The following PCLO variants were observed in gnomAD, a reference collection of about 807,000 sequenced individuals.
PCLO encodes the protein protein piccolo.
PCLO carries 82 observed loss-of-function variants against 427.5 expected under a neutral mutation model. The observed-to-expected ratio is 0.19, with a 90% confidence interval of 0.16 to 0.23. The LOEUF is 0.23. Ranked by LOEUF, PCLO falls within the 10% of genes least tolerant of loss-of-function variation. The pLI is 1.00. For missense variants in PCLO, 6,239 were observed against 6,115.9 expected (o/e 1.02, Z -0.67); for synonymous variants, 2,357 against 2,155.4 (o/e 1.09, Z -2.59).
At chr7:82,911,392 CA>C (rs891351186) in intron 7 of PCLO, among the ~76,000 whole-genome samples, 18 of 150,960 alleles carry the variant, frequency 1.2e-4, no homozygotes, top group Admixed American at 2.6e-4. Context: ...AATTTTATAA[CA>C]AAAAAAATTC....
intron 3 of PCLO, among the ~76,000 whole-genome samples, chr7:83,035,413 A>G (rs1477073825): frequency 6.6e-6 from 1 of 152,206 alleles, no homozygotes; most frequent in Non-Finnish European, 1.5e-5. Flanking sequence ...CATATCTGAC[A>G]GTTATGAAAA....
intron 3 of PCLO, among the ~76,000 whole-genome samples, chr7:83,060,942 T>C (rs1383170741): frequency 2.0e-5 from 3 of 152,236 alleles, no homozygotes; most frequent in Non-Finnish European, 4.4e-5. Flanking sequence ...TACCAGAATA[T>C]GTCTAAACAT....
At chr7:82,819,892 TA>T (rs1286412684) in intron 20 of PCLO, among the ~76,000 whole-genome samples, 1 of 152,120 alleles carries the variant, frequency 6.6e-6, no homozygotes, top group African/African-American at 2.4e-5. Flanking sequence ...GGCTGAGAGG[TA>T]CTTAAGGGGG....
In PCLO at chr7:82,760,691, G is replaced by A. The variant is rs750960950; in HGVS notation, c.15236C>T (p.Ser5079Leu). ...TRVCRHDREP[S>L]FNETFRFSLS... ...ACTGAATCGAAAAGTTTCATTAAAC[G>A]AAGGCTCTCGATCATGTCTGCATAC... The change falls in exon 24 of 25, where the codon TCG (serine) becomes TTG (leucine). Residue 5079 changes from serine to leucine, a missense_variant. Ser to Leu is a moderately radical substitution (Grantham distance 145, BLOSUM62 -2). Coordinates refer to ENST00000333891, the MANE Select transcript of PCLO (RefSeq NM_033026.6). The A allele has an allele frequency of 2.2e-5, 36 of 1,603,822 alleles. No homozygotes were observed. The South Asian group carries it at 3.2e-4, about 14-fold the overall frequency.
chr7:82,826,994 A>G (rs769656949), intron 17 of PCLO, among the ~76,000 whole-genome samples: 11 of 152,190 alleles, frequency 7.2e-5, no homozygotes, highest in Non-Finnish European at 1.5e-4. Flanking sequence ...ATAGATTGCA[A>G]AAATGTCTAG....
intron 3 of PCLO, among the ~76,000 whole-genome samples, chr7:83,083,349 A>T (rs566174975): frequency 6.6e-6 from 1 of 152,140 alleles, no homozygotes; most frequent in African/African-American, 2.4e-5. Flanking sequence ...TATGATCTCA[A>T]CTTTATTAAA....
chr7:83,087,777 T>C (rs980655131), intron 3 of PCLO, among the ~76,000 whole-genome samples: 1 of 152,100 alleles, frequency 6.6e-6, no homozygotes, highest in African/African-American at 2.4e-5. Context: ...AAAGATTGAT[T>C]CTATTAAATT....
In PCLO at chr7:82,915,253, G is replaced by A. The variant is rs367972678; in HGVS notation, c.12733C>T (p.Leu4245Phe). ...TGTTGGTCTGTAATATTTTTTCTGA[G>A]GCCAAAAGTGATGTCATCTTGAAGG... ...RLLQDDITFG[L>F]RKNITDQQKF... is the part of the protein sequence containing the mutation. Residue 4245 changes from leucine (L) to phenylalanine (F), a missense_variant, in exon 7 of 25, where the codon CTC becomes TTC. Around this residue, in one of 5 missense-constraint regions of PCLO, gnomAD observed 680 missense variants for 677.3 expected, o/e 1.00. Coordinates refer to ENST00000333891, the MANE Select transcript of PCLO (RefSeq NM_033026.6). The A allele has an allele frequency of 1.9e-6, 3 of 1,613,314 alleles. No homozygotes were observed. Among genetic ancestry groups the A allele is most frequent in the African/African-American group, 2.7e-5 (2 of 74,864 alleles).
chr7:83,043,912 C>CTTTTTTTTTTTTTTTTTTTT (rs869061778), intron 3 of PCLO, among the ~76,000 whole-genome samples: 18 of 94,908 alleles, frequency 1.9e-4, no homozygotes, highest in East Asian at 4.2e-4. Context: ...CTATTATTTT[C>CTTTTTTTTTTTTTTTTTTTT]TTTTTTTTTT....
intron 3 of PCLO, among the ~76,000 whole-genome samples, chr7:83,008,121 A>T (rs1787993746): frequency 6.6e-6 from 1 of 151,710 alleles, no homozygotes; most frequent in Non-Finnish European, 1.5e-5. Context: ...AAGGCATAAG[A>T]AATATGTAAA....
chr7:82,951,768 G>T, intron 5 of PCLO, 88 bp downstream of exon 5: 1 of 1,493,244 alleles, frequency 6.7e-7, no homozygotes. Context: ...AACAAAACTG[G>T]AAAAGAAGCC....
At chr7:82,935,014 T>A (rs1794917585) in intron 6 of PCLO, among the ~76,000 whole-genome samples, 1 of 151,102 alleles carries the variant, frequency 6.6e-6, no homozygotes. Flanking sequence ...AATATGCTTA[T>A]GAGAAGTCAA....
rs1044922604 is a variant in PCLO at position 82,954,221 on chromosome 7, A to T, written c.6732T>A (p.Ser2244Arg). ...GSIIDYPEEISVSLDRTAPPD... is the reference protein window; with the variant it reads ...GSIIDYPEEIRVSLDRTAPPD... ...GTGGGGCAGTCCGATCTAAAGATAC[A>T]CTTATTTCTTCTGGATAGTCTATAA... The change falls in exon 5 of 25, where the codon AGT (serine) becomes AGA (arginine). Residue 2244 changes from serine to arginine, a missense_variant. Ser to Arg is a moderately radical substitution (Grantham distance 110). Transcript: ENST00000333891. 3.6e-5 allele frequency: 58 copies of T among 1,613,542 alleles called. No individual in the cohort carries two copies. Among genetic ancestry groups the T allele is most frequent in the Non-Finnish European group, 4.7e-5 (55 of 1,179,746 alleles).
chr7:83,093,562 C>T (rs1326030413), intron 3 of PCLO, among the ~76,000 whole-genome samples: 17 of 141,932 alleles, frequency 1.2e-4, no homozygotes, highest in African/African-American at 4.1e-4. Flanking sequence ...GCGTGATCTC[C>T]GCTCACTGCA....
chr7:82,809,725 A>T (rs138610539), intron 20 of PCLO, among the ~76,000 whole-genome samples: 3 of 151,810 alleles, frequency 2.0e-5, no homozygotes, highest in African/African-American at 7.2e-5. Context: ...AAATTTCTCA[A>T]CAAGAAGTCC....
Position 82,954,648 on chromosome 7 carries a change from G to A in PCLO, c.6305C>T (p.Pro2102Leu), listed in dbSNP as rs768727399. 34 of 1,613,782 alleles carry A rather than the reference G, an allele frequency of 2.1e-5. No homozygotes were observed. Among genetic ancestry groups the A allele is most frequent in the Non-Finnish European group, 2.9e-5 (34 of 1,179,848 alleles). The change falls in exon 5 of 25, where the codon CCA becomes CTA. Residue 2102 changes from proline to leucine, a missense_variant. Physicochemically the swap from Pro to Leu is moderately conservative, Grantham distance 98 (BLOSUM62 -3). Coordinates refer to ENST00000333891, the MANE Select transcript of PCLO (RefSeq NM_033026.6). ...AACACTTGATGTCAAAGAGGCATCT[G>A]GCATTCTGTCAAAGTCCATGGTGGA... ...TESTMDFDRM[P>L]DASLTSSVLS... is the part of the protein sequence containing the mutation.
At chr7:83,044,137 G>A (rs6962335) in intron 3 of PCLO, among the ~76,000 whole-genome samples, 22,553 of 151,826 alleles carry the variant, frequency 0.15, 1,789 homozygotes, top group African/African-American at 0.18. Flanking sequence ...TGGTGGCAGG[G>A]GAGAGACAGC....
intron 10 of PCLO, chr7:82,868,054 C>T (rs772641049): frequency 1.2e-4 from 52 of 451,000 alleles, no homozygotes; most frequent in African/African-American, 5.0e-4. Context: ...GTGTACCTAA[C>T]GCACCAGCTT....
intron 10 of PCLO, 92 bp downstream of exon 10, chr7:82,879,245 C>T (rs1373728022): frequency 1.7e-6 from 2 of 1,146,000 alleles, no homozygotes; most frequent in African/African-American, 1.6e-5. Context: ...TTTACCTACA[C>T]AGAGAAGGAT....
Sources: allele counts gnomAD v4.1 joint callset (sites outside exome capture counted in the v4.1 genomes callset), GRCh38; gene constraint gnomAD v4.1.1; regional missense constraint gnomAD v4.1.1; transcripts MANE v1.5; gene names NCBI Gene and HGNC (gene_info 2026-07-23, HGNC 2026-07-21).